The following ASB3 variants were observed in gnomAD, a reference collection of about 807,000 sequenced individuals.
The protein encoded by ASB3 is ankyrin repeat and SOCS box containing 3, also known as ankyrin repeat and SOCS box protein 3.
A neutral mutation model predicts 54.5 loss-of-function variants in ASB3; 41 were observed. The ratio of observed to expected loss-of-function variants is 0.75; its 90% CI spans 0.59 to 0.98. ASB3 has a LOEUF of 0.98. ASB3 is among the 50% of genes least tolerant of loss of function. ASB3 has a pLI of 0.00. For missense variants in ASB3, 733 were observed against 620.0 expected (o/e 1.18, Z -1.94); for synonymous variants, 266 against 221.2 (o/e 1.20, Z -1.80).
At chr2:53,735,681 G>A (rs1671589037) in intron 3 of ASB3, among the ~76,000 whole-genome samples, 1 of 151,430 alleles carries the variant, frequency 6.6e-6, no homozygotes, top group Non-Finnish European at 1.5e-5. Context: ...GAATGTAAAG[G>A]GCCAAATAAA....
chr2:53,757,382 A>C (rs893979519), intron 2 of ASB3, among the ~76,000 whole-genome samples: 4 of 152,186 alleles, frequency 2.6e-5, no homozygotes, highest in Non-Finnish European at 5.9e-5. Context: ...TAGAGGCAGA[A>C]AGCTGTCGTC....
intron 7 of ASB3, among the ~76,000 whole-genome samples, chr2:53,701,134 T>C (rs868172190): frequency 6.6e-6 from 1 of 152,146 alleles, no homozygotes; most frequent in Non-Finnish European, 1.5e-5. Context: ...CCACCATGCC[T>C]GGCTAATTTT....
intron 7 of ASB3, among the ~76,000 whole-genome samples, chr2:53,709,240 A>G (rs1669956936): frequency 6.6e-6 from 1 of 152,202 alleles, no homozygotes; most frequent in Non-Finnish European, 1.5e-5. Context: ...CACTCCTGCT[A>G]TGGCTCAAAG....
intron 1 of ASB3, among the ~76,000 whole-genome samples, chr2:53,770,198 A>G (rs750433885): frequency 5.3e-4 from 81 of 152,206 alleles, no homozygotes; most frequent in Non-Finnish European, 9.4e-4. Flanking sequence ...TAGTTCATCA[A>G]TGACACAATA....
intron 3 of ASB3, among the ~76,000 whole-genome samples, chr2:53,731,669 T>C (rs1286298299): frequency 6.6e-6 from 1 of 152,224 alleles, no homozygotes; most frequent in Non-Finnish European, 1.5e-5. Flanking sequence ...TTTTCCTTTT[T>C]TTGAGACAAG....
At chr2:53,752,164 T>C (rs1672550391) in intron 2 of ASB3, among the ~76,000 whole-genome samples, 1 of 152,202 alleles carries the variant, frequency 6.6e-6, no homozygotes, top group Non-Finnish European at 1.5e-5. Context: ...ATAAACTTAA[T>C]ACACTTCTAA....
At chr2:53,757,752 T>C (rs528777539) in intron 2 of ASB3, among the ~76,000 whole-genome samples, 1 of 152,316 alleles carries the variant, frequency 6.6e-6, no homozygotes, top group East Asian at 1.9e-4. Flanking sequence ...TGGGCAGTTA[T>C]GTGGGACCCA....
chr2:53,733,188 T>C (rs955147659), intron 3 of ASB3, among the ~76,000 whole-genome samples: 3 of 152,140 alleles, frequency 2.0e-5, no homozygotes, highest in African/African-American at 7.2e-5. Flanking sequence ...TATCAAAGTA[T>C]AAAAAAGAGT....
At chr2:53,763,052 T>C (rs1673233054) in intron 2 of ASB3, among the ~76,000 whole-genome samples, 1 of 152,174 alleles carries the variant, frequency 6.6e-6, no homozygotes, top group Non-Finnish European at 1.5e-5. Flanking sequence ...GACAGTGTAT[T>C]AATATTAGAT....
At chr2:53,776,228 C>T (rs1319806135) in intron 1 of ASB3, among the ~76,000 whole-genome samples, 1 of 152,182 alleles carries the variant, frequency 6.6e-6, no homozygotes, top group African/African-American at 2.4e-5. Context: ...TACATATCTA[C>T]TTTAAATATC....
At chr2:53,681,125 T>C (rs1668347758) in intron 9 of ASB3, among the ~76,000 whole-genome samples, 1 of 152,204 alleles carries the variant, frequency 6.6e-6, no homozygotes, top group African/African-American at 2.4e-5. Flanking sequence ...CTTTATCCAT[T>C]GATCTTTTAA....
At chr2:53,767,752 G>C in intron 1 of ASB3, 1 of 1,021,938 alleles carries the variant, frequency 9.8e-7, no homozygotes. Flanking sequence ...TAAACTCCCA[G>C]TGCGCTTTGC....
intron 1 of ASB3, among the ~76,000 whole-genome samples, chr2:53,773,412 G>A (rs2104166054): frequency 6.6e-6 from 1 of 151,540 alleles, no homozygotes; most frequent in African/African-American, 2.4e-5. Flanking sequence ...TTTAAGTGAA[G>A]AAAAACTGTA....
intron 3 of ASB3, among the ~76,000 whole-genome samples, chr2:53,730,384 A>C (rs1390366687): frequency 1.3e-5 from 2 of 152,220 alleles, no homozygotes; most frequent in East Asian, 3.8e-4. Context: ...GAGAAATAGT[A>C]GTATTTATAA....
intron 9 of ASB3, among the ~76,000 whole-genome samples, chr2:53,684,444 C>T (rs2103683131): frequency 6.6e-6 from 1 of 152,254 alleles, no homozygotes; most frequent in East Asian, 1.9e-4. Context: ...AAGGAGATTA[C>T]CAGAATTCGA....
At chr2:53,747,727 C>G (rs556519984) in intron 3 of ASB3, among the ~76,000 whole-genome samples, 1 of 152,124 alleles carries the variant, frequency 6.6e-6, no homozygotes, top group African/African-American at 2.4e-5. Context: ...CTTAATGGAA[C>G]ACTCTTTCTA....
In ASB3 at chr2:53,765,472, C is replaced by G. The variant is rs780614482; in HGVS notation, c.101G>C (p.Arg34Pro). 2 of 1,614,218 alleles carry G rather than the reference C, an allele frequency of 1.2e-6. No individual in the cohort carries two copies. Among genetic ancestry groups the G allele is most frequent in the Non-Finnish European group, 1.7e-6 (2 of 1,180,032 alleles). ...CCTGTTATCAGCAACATCGACACTT[C>G]GGCCCTTTTTGAGCAGTTTCCTTAA... Reference protein sequence around the residue: ...KVLRKLLKKGRSVDVADNRGW... With the variant: ...KVLRKLLKKGPSVDVADNRGW... Residue 34 changes from arginine (R) to proline (P), a missense_variant, in exon 2 of 10, where the codon CGA (arginine) becomes CCA (proline). Arg to Pro is a moderately radical substitution (Grantham distance 103). Transcript: ENST00000263634.
intron 1 of ASB3, among the ~76,000 whole-genome samples, chr2:53,777,845 T>C (rs1267309936): frequency 6.6e-6 from 1 of 152,188 alleles, no homozygotes; most frequent in Non-Finnish European, 1.5e-5. Context: ...TAACATTTTT[T>C]AAAAAGTGTA....
intron 9 of ASB3, among the ~76,000 whole-genome samples, chr2:53,674,165 A>C (rs768365084): frequency 6.6e-6 from 1 of 152,222 alleles, no homozygotes; most frequent in Non-Finnish European, 1.5e-5. Flanking sequence ...ACATACTTTC[A>C]TGAAAACCTA....
Sources: allele counts gnomAD v4.1 joint callset (sites outside exome capture counted in the v4.1 genomes callset), GRCh38; gene constraint gnomAD v4.1.1; transcripts MANE v1.5; gene names NCBI Gene and HGNC (gene_info 2026-07-23, HGNC 2026-07-21).